Variants in METAP1D observed in about 807,000 individuals in gnomAD.
METAP1D encodes the protein methionine aminopeptidase 1D, mitochondrial.
METAP1D carries 31 observed loss-of-function variants against 40.5 expected under a neutral mutation model. That is an observed-to-expected ratio of 0.77 (90% confidence interval 0.58 to 1.03). The LOEUF is 1.03. Among genes scored for constraint, METAP1D ranks in the 50% least tolerant of loss-of-function variants. The pLI, the probability that METAP1D is intolerant of heterozygous loss-of-function variation, is 0.00. For synonymous variants in METAP1D, 151 were observed against 146.4 expected, an observed-to-expected ratio of 1.03 and a Z score of -0.22; for missense variants, 411 against 420.7, an observed-to-expected ratio of 0.98 and a Z score of 0.20.
At chr2:172,078,229 C>T (rs977740340) in intron 7 of METAP1D, among the ~76,000 whole-genome samples, 1 of 152,212 alleles carries the variant, frequency 6.6e-6, no homozygotes, top group African/African-American at 2.4e-5. Flanking sequence ...CAGCAGCATG[C>T]ACATATGACT....
chr2:172,029,073 G>A (rs1293414620), intron 1 of METAP1D, among the ~76,000 whole-genome samples: 1 of 152,168 alleles, frequency 6.6e-6, no homozygotes, highest in Non-Finnish European at 1.5e-5. Context: ...GAGAGAATGT[G>A]TCACCTTTCA....
chr2:172,042,849 GTA>G (rs200362395), intron 1 of METAP1D, among the ~76,000 whole-genome samples: 4,617 of 23,558 alleles, frequency 0.2, 2,211 homozygotes, highest in East Asian at 0.71. Flanking sequence ...ACGTGTGTGT[GTA>G]TATATGTACA....
intron 7 of METAP1D, 76 bp from the exon 8 acceptor site, chr2:172,079,139 C>G (rs780195298): frequency 6.8e-7 from 1 of 1,480,016 alleles, no homozygotes; most frequent in Non-Finnish European, 9.4e-7. Flanking sequence ...TTAAAGGGGC[C>G]TGACCCCTGT....
rs1003689020 is a variant in METAP1D at position 172,073,917 on chromosome 2, A to G, written c.704+2847A>G. Among the ~76,000 whole-genome samples, 8 of 152,374 alleles carry G rather than the reference A, an allele frequency of 5.3e-5. No homozygotes were observed. In the East Asian group the frequency reaches 9.6e-4, roughly 18 times the overall value. On this transcript the variant is annotated intron_variant, in intron 6 of 9. Coordinates refer to ENST00000315796, the MANE Select transcript of METAP1D (RefSeq NM_199227.3). ...ACTTGTATTAGTATCATGTTATCAA[A>G]AACCTTGAGATCTCTACAGGAAATT... is the stretch of plus-strand genomic sequence containing the variant.
chr2:172,071,150 C>T, intron 6 of METAP1D, 80 bp downstream of exon 6: 1 of 1,254,338 alleles, frequency 8.0e-7, no homozygotes, highest in Non-Finnish European at 1.0e-6. Flanking sequence ...AAGTTGATGA[C>T]ATGTTTTATG....
At chr2:172,018,031 G>T (rs558926321) in intron 1 of METAP1D, among the ~76,000 whole-genome samples, 81 of 151,170 alleles carry the variant, frequency 5.4e-4, no homozygotes, top group Non-Finnish European at 1.1e-3. Flanking sequence ...GGAGGCTGAG[G>T]CAGGAGAATC....
At chr2:172,020,928 C>A (rs1183124761) in intron 1 of METAP1D, among the ~76,000 whole-genome samples, 1 of 152,056 alleles carries the variant, frequency 6.6e-6, no homozygotes, top group Non-Finnish European at 1.5e-5. Flanking sequence ...AAATGGCTTT[C>A]CCATTATGTC....
At chr2:172,077,076 T>A (rs1423598186) in intron 6 of METAP1D, among the ~76,000 whole-genome samples, 1 of 152,224 alleles carries the variant, frequency 6.6e-6, no homozygotes, top group Non-Finnish European at 1.5e-5. Context: ...TCCACATACA[T>A]GTAATGAAGT....
intron 6 of METAP1D, among the ~76,000 whole-genome samples, chr2:172,077,157 AT>A (rs1381464308): frequency 2.0e-5 from 3 of 152,376 alleles, no homozygotes; most frequent in African/African-American, 7.2e-5. Context: ...ATTAAAAAGC[AT>A]TCTTTATGAA....
At chr2:172,001,187 A>T (rs1261869229) in intron 1 of METAP1D, among the ~76,000 whole-genome samples, 1 of 151,886 alleles carries the variant, frequency 6.6e-6, no homozygotes, top group Non-Finnish European at 1.5e-5. Context: ...TGACGTGGTC[A>T]CTCCATAGAA....
chr2:172,080,007 G>T, intron 8 of METAP1D, 121 bp from the exon 9 acceptor site: 4 of 786,284 alleles, frequency 5.1e-6, no homozygotes, highest in Non-Finnish European at 8.4e-6. Context: ...GACAACATGA[G>T]CCTGTGGGGG....
chr2:172,036,635 G>T (rs2105425825), intron 1 of METAP1D, among the ~76,000 whole-genome samples: 1 of 152,024 alleles, frequency 6.6e-6, no homozygotes, highest in East Asian at 2.0e-4. Context: ...AAAGTACCGA[G>T]ATTACAGGCG....
At position 172,080,654 on chromosome 2, in the gene METAP1D, A is replaced by G; in HGVS notation, c.*248A>G. On this transcript the variant is annotated 3_prime_UTR_variant, in exon 10 of 10. Coordinates refer to ENST00000315796, the MANE Select transcript of METAP1D (RefSeq NM_199227.3). ...TGGACTCGGTTTCCCAGCGCGGTCA[A>G]CGCATCTGGAGGGGACTGGAGGAAA... 1.7e-6 allele frequency: 1 copy of G among 595,612 alleles called. No individual in the cohort carries two copies. Among genetic ancestry groups the G allele is most frequent in the Non-Finnish European group, 3.0e-6 (1 of 335,752 alleles). The allele number at this position is 595,612 out of a possible 1,614,324, so 36.9% of individuals were successfully genotyped here.
At chr2:172,063,665 T>C (rs745871324) in intron 2 of METAP1D, 46 bp from the exon 3 acceptor site, 1 of 1,442,678 alleles carries the variant, frequency 6.9e-7, no homozygotes, top group Admixed American at 1.7e-5. Context: ...GATCCCATTG[T>C]CGTGCGCTGG....
intron 2 of METAP1D, among the ~76,000 whole-genome samples, chr2:172,062,169 A>C (rs1690156605): frequency 2.6e-5 from 4 of 152,158 alleles, no homozygotes; most frequent in Admixed American, 2.6e-4. Context: ...TTCTGTGGAA[A>C]GGCAATCTAT....
intron 6 of METAP1D, among the ~76,000 whole-genome samples, chr2:172,073,274 A>C (rs1690465749): frequency 6.6e-6 from 1 of 152,160 alleles, no homozygotes; most frequent in African/African-American, 2.4e-5. Flanking sequence ...CATGCAGGTG[A>C]ACTCCAGCTA....
intron 6 of METAP1D, among the ~76,000 whole-genome samples, chr2:172,077,056 A>G (rs1428608079): frequency 6.6e-6 from 1 of 152,240 alleles, no homozygotes; most frequent in African/African-American, 2.4e-5. Context: ...TAGTGCATGC[A>G]ATGTACTTCT....
At chr2:172,073,612 G>A (rs548102801) in intron 6 of METAP1D, among the ~76,000 whole-genome samples, 20 of 152,276 alleles carry the variant, frequency 1.3e-4, no homozygotes, top group African/African-American at 4.6e-4. Context: ...GATGGTTTAT[G>A]TCTGCCGCTA....
intron 1 of METAP1D, among the ~76,000 whole-genome samples, chr2:172,035,406 C>T (rs1689354887): frequency 1.3e-5 from 2 of 152,096 alleles, no homozygotes; most frequent in Non-Finnish European, 2.9e-5. Context: ...CCTCGTGATC[C>T]TACCGCCTCC....
Sources: allele counts gnomAD v4.1 joint callset (sites outside exome capture counted in the v4.1 genomes callset), GRCh38; gene constraint gnomAD v4.1.1; transcripts MANE v1.5; gene names NCBI Gene and HGNC (gene_info 2026-07-23, HGNC 2026-07-21).